The following SLC25A12 variants were observed in gnomAD, a reference collection of about 807,000 sequenced individuals.
SLC25A12 encodes the protein solute carrier family 25 member 12.
A neutral mutation model predicts 83.3 loss-of-function variants in SLC25A12; 32 were observed. The observed-to-expected ratio is 0.38, with a 90% CI of 0.29 to 0.52. The LOEUF (loss-of-function observed/expected upper bound fraction) is 0.52. Among genes scored for constraint, SLC25A12 ranks in the 20% least tolerant of loss-of-function variants. The probability of loss-of-function intolerance (pLI) is 0.84; values close to 1 mark genes in which losing one functional copy is unlikely to be tolerated. For missense variants in SLC25A12, 611 were observed against 835.6 expected, an observed-to-expected ratio of 0.73 and a Z score of 3.31; for synonymous variants, 267 against 291.1, an observed-to-expected ratio of 0.92 and a Z score of 0.84.
At position 171,855,561 on chromosome 2, in the gene SLC25A12, G is replaced by A. The variant is rs192152087; in HGVS notation, c.325+273C>T. ...AAGGAATTTTGCCCAGGCTGGCCCAGAACAAGAAAATCTTACACCATTTAT... is the reference window on the plus strand; with the variant it reads ...AAGGAATTTTGCCCAGGCTGGCCCAAAACAAGAAAATCTTACACCATTTAT... On this transcript the variant is annotated intron_variant, in intron 4 of 17. Coordinates refer to ENST00000422440, the MANE Select transcript of SLC25A12 (RefSeq NM_003705.5). Among the ~76,000 whole-genome samples the A allele has an allele frequency of 4.2e-5, 6 of 143,766 alleles. No homozygotes were observed. The East Asian group carries it at 8.3e-4, about 20-fold the overall frequency. 94.3% of individuals were successfully genotyped at this position (143,766 alleles called of 152,430 possible).
At chr2:171,848,357 G>A (rs1684843546) in intron 4 of SLC25A12, 5 of 456,610 alleles carry the variant, frequency 1.1e-5, no homozygotes, top group South Asian at 7.9e-5. Context: ...AAGGATTCCA[G>A]CCCAGCAGGA....
intron 5 of SLC25A12, among the ~76,000 whole-genome samples, chr2:171,837,726 C>G (rs1034395701): frequency 1.3e-5 from 2 of 152,168 alleles, no homozygotes; most frequent in Non-Finnish European, 2.9e-5. Context: ...GTCTCTCTCT[C>G]TGTCATTCTA....
At chr2:171,886,674 T>TA (rs1361612712) in intron 2 of SLC25A12, among the ~76,000 whole-genome samples, 1 of 151,916 alleles carries the variant, frequency 6.6e-6, no homozygotes, top group Non-Finnish European at 1.5e-5. Flanking sequence ...CATGCCCGGC[T>TA]AATTTTTTTG....
intron 17 of SLC25A12, among the ~76,000 whole-genome samples, chr2:171,786,502 T>C (rs1690493597): frequency 1.3e-5 from 2 of 152,176 alleles, no homozygotes; most frequent in Non-Finnish European, 2.9e-5. Flanking sequence ...GTAAGACTGC[T>C]GTTCTCACTT....
rs1427056859 is a variant in SLC25A12 at position 171,804,239 on chromosome 2, C to T, written c.1305+5367G>A. Among the ~76,000 whole-genome samples the T allele has an allele frequency of 8.7e-5, 13 of 148,998 alleles. 1 individual carries two copies. In the East Asian group the frequency reaches 2.6e-3, roughly 30 times the overall value. On this transcript the variant is annotated intron_variant, in intron 13 of 17. Transcript: ENST00000422440. ...ACAATGTCATGCTTACAAAAGGCCA[C>T]ATATCATGATTCCTTATTTATTTAT...
intron 1 of SLC25A12, among the ~76,000 whole-genome samples, chr2:171,893,760 C>G (rs1685992858): frequency 6.6e-6 from 1 of 152,316 alleles, no homozygotes; most frequent in South Asian, 2.1e-4. Flanking sequence ...ACCCTGCAAT[C>G]TGCAACGCAA....
At chr2:171,834,695 G>A (rs1684519978) in intron 7 of SLC25A12, 32 bp downstream of exon 7, 5 of 1,607,694 alleles carry the variant, frequency 3.1e-6, no homozygotes, top group Non-Finnish European at 4.2e-6. Context: ...AAAATGCTGA[G>A]ATTCTTATTT....
chr2:171,803,115 T>C (rs569079634), intron 13 of SLC25A12, among the ~76,000 whole-genome samples: 2 of 151,112 alleles, frequency 1.3e-5, no homozygotes, highest in African/African-American at 4.8e-5. Flanking sequence ...TCTCTCTCTG[T>C]TCAAGGCAAA....
chr2:171,824,218 T>C (rs1166811467), intron 9 of SLC25A12, among the ~76,000 whole-genome samples: 1 of 152,180 alleles, frequency 6.6e-6, no homozygotes, highest in Non-Finnish European at 1.5e-5. Context: ...GCGCTGCCAC[T>C]GAAGACAGGC....
rs140901914 is a variant in SLC25A12 at position 171,821,890 on chromosome 2, C to T, written c.930+4908G>A. On this transcript the variant is annotated intron_variant, in intron 9 of 17. Coordinates refer to ENST00000422440, the MANE Select transcript of SLC25A12 (RefSeq NM_003705.5). Reference sequence around the variant, plus strand: ...TATGACTGGTGTTCTGTACTATTCACAAAATCTCTGCCTATCTCCAGATCA... The same window carrying T: ...TATGACTGGTGTTCTGTACTATTCATAAAATCTCTGCCTATCTCCAGATCA... Among the ~76,000 whole-genome samples, 1,045 of 152,262 alleles carry T rather than the reference C, an allele frequency of 6.9e-3. 8 individuals are homozygous for T. The highest frequency in any genetic ancestry group is 0.017 in the Admixed American group (254 of 15,298).
intron 10 of SLC25A12, among the ~76,000 whole-genome samples, chr2:171,813,822 A>T (rs1485971938): frequency 3.3e-5 from 5 of 152,222 alleles, no homozygotes; most frequent in Non-Finnish European, 7.3e-5. Flanking sequence ...AACAACATTA[A>T]ACTATTATGT....
At chr2:171,841,908 G>A (rs1684680197) in intron 5 of SLC25A12, among the ~76,000 whole-genome samples, 1 of 152,156 alleles carries the variant, frequency 6.6e-6, no homozygotes, top group African/African-American at 2.4e-5. Flanking sequence ...CTGGCTTCTG[G>A]CCCTGAAGCA....
intron 13 of SLC25A12, among the ~76,000 whole-genome samples, chr2:171,798,319 C>T (rs1683640502): frequency 6.6e-6 from 1 of 152,176 alleles, no homozygotes; most frequent in Non-Finnish European, 1.5e-5. Context: ...CCTATTCAAC[C>T]TTCTGCCCTC....
chr2:171,830,998 G>C (rs1558923099), intron 8 of SLC25A12, among the ~76,000 whole-genome samples: 1 of 152,218 alleles, frequency 6.6e-6, no homozygotes, highest in Non-Finnish European at 1.5e-5. Context: ...GAAACCTGTT[G>C]GTGAAGTACA....
At chr2:171,863,150 G>A (rs572869139) in intron 3 of SLC25A12, among the ~76,000 whole-genome samples, 6 of 151,960 alleles carry the variant, frequency 3.9e-5, no homozygotes, top group South Asian at 2.1e-4. Context: ...CGATCCTCCC[G>A]CCTCAGCCTC....
chr2:171,860,472 C>T (rs1256639953), intron 3 of SLC25A12, among the ~76,000 whole-genome samples: 1 of 152,082 alleles, frequency 6.6e-6, no homozygotes, highest in East Asian at 1.9e-4. Context: ...CATAGTGGCA[C>T]ATGCCTGTAA....
intron 13 of SLC25A12, chr2:171,809,401 C>T: frequency 1.7e-6 from 1 of 585,808 alleles, no homozygotes; most frequent in Non-Finnish European, 3.0e-6. Context: ...ACCATTCTAA[C>T]TGGCGGAAAA....
chr2:171,893,178 A>C, intron 2 of SLC25A12, 27 bp downstream of exon 2: 1 of 1,606,840 alleles, frequency 6.2e-7, no homozygotes, highest in Admixed American at 1.7e-5. Flanking sequence ...TTTTGCAATG[A>C]AAGGCACACT....
chr2:171,787,957 G>A lies in SLC25A12; in HGVS notation c.1586-10C>T. ...GATGCAGCTGGGACACCTTTCAGGA[G>A]AAAACCACATTTAATTTATCTAGAG... On this transcript the variant is annotated splice_polypyrimidine_tract_variant and intron_variant, in intron 15 of 17. Coordinates refer to ENST00000422440, the MANE Select transcript of SLC25A12 (RefSeq NM_003705.5). 6.2e-7 allele frequency: 1 copy of A among 1,614,076 alleles called. No homozygotes were observed. The highest frequency in any genetic ancestry group is 8.5e-7 in the Non-Finnish European group (1 of 1,179,944).
Sources: gnomAD v4.1 joint callset for allele counts (sites outside exome capture counted in the v4.1 genomes callset) on GRCh38, gnomAD v4.1.1 for gene constraint, MANE v1.5 for transcripts, NCBI Gene and HGNC (gene_info 2026-07-23, HGNC 2026-07-21) for gene names.